Variants in GRID1 observed in about 807,000 individuals in gnomAD.
GRID1 encodes glutamate ionotropic receptor delta type subunit 1.
Under a neutral mutation model 98.0 loss-of-function variants are expected in GRID1, and 28 were observed. That is an observed-to-expected ratio of 0.29 (90% CI 0.21 to 0.39). The LOEUF is 0.39. Ranked by LOEUF, GRID1 falls within the 10% of genes least tolerant of loss-of-function variation. The pLI, the probability that GRID1 is intolerant of heterozygous loss-of-function variation, is 1.00. For synonymous variants in GRID1, 553 were observed against 538.5 expected, an observed-to-expected ratio of 1.03 and a Z score of -0.37; for missense variants, 1,111 against 1,340.5, an observed-to-expected ratio of 0.83 and a Z score of 2.67.
intron 4 of GRID1, among the ~76,000 whole-genome samples, chr10:86,085,043 C>T (rs1412698106): frequency 6.6e-6 from 1 of 152,172 alleles, no homozygotes; most frequent in Non-Finnish European, 1.5e-5. Context: ...TACCAATACG[C>T]ATGCAATGTA....
intron 5 of GRID1, among the ~76,000 whole-genome samples, chr10:85,878,267 G>C (rs1186517274): frequency 1.3e-5 from 2 of 151,894 alleles, no homozygotes; most frequent in Non-Finnish European, 1.5e-5. Context: ...GAAATACAGA[G>C]AACGCCACAA....
At chr10:85,677,358 C>A (rs1841156213) in intron 12 of GRID1, among the ~76,000 whole-genome samples, 1 of 152,180 alleles carries the variant, frequency 6.6e-6, no homozygotes. Flanking sequence ...AGGCATGAGG[C>A]ATCCTTGTGA....
chr10:85,724,569 C>T lies in GRID1; in HGVS notation c.1641G>A (p.Lys547=), dbSNP rs1048871352. The change falls in exon 11 of 16, where the codon AAG becomes AAA. Residue 547 remains lysine (K), a synonymous_variant. Coordinates refer to ENST00000327946, the MANE Select transcript of GRID1 (RefSeq NM_017551.3). Reference sequence around the variant, plus strand: ...AGAAGATGCTGATTTTCTCCTCGGGCTTCTTAATTAGAATCCCCACTGAAT... The same window carrying T: ...AGAAGATGCTGATTTTCTCCTCGGGTTTCTTAATTAGAATCCCCACTGAAT... ...MDYSVGILIK[K]PEEKISIFSL... 1.2e-6 allele frequency: 2 copies of T among 1,613,408 alleles called. No homozygotes were observed. The highest frequency in any genetic ancestry group is 1.7e-6 in the Non-Finnish European group (2 of 1,179,904).
chr10:86,131,322 A>T (rs1844833491), intron 4 of GRID1, among the ~76,000 whole-genome samples: 1 of 152,126 alleles, frequency 6.6e-6, no homozygotes, highest in South Asian at 2.1e-4. Flanking sequence ...GGGAGCAGAA[A>T]GGGTAATTGA....
chr10:86,322,819 C>T (rs143101553), intron 2 of GRID1, among the ~76,000 whole-genome samples: 122 of 150,754 alleles, frequency 8.1e-4, no homozygotes, highest in Admixed American at 5.9e-3. Flanking sequence ...CAGCCAGGCA[C>T]GGTGGCTCAT....
chr10:85,675,552 A>G (rs545134199), intron 12 of GRID1, among the ~76,000 whole-genome samples: 8 of 152,340 alleles, frequency 5.3e-5, no homozygotes, highest in Non-Finnish European at 8.8e-5. Flanking sequence ...TAAGGGAGGT[A>G]TCTGAGAAAA....
intron 5 of GRID1, among the ~76,000 whole-genome samples, chr10:85,915,516 CAG>C (rs1269846617): frequency 6.6e-6 from 1 of 150,942 alleles, no homozygotes; most frequent in Non-Finnish European, 1.5e-5. Flanking sequence ...CACACACACA[CAG>C]ACACACATAT....
Position 85,859,907 on chromosome 10 carries a change from T to C in GRID1, c.952-3717A>G, listed in dbSNP as rs555282032. On this transcript the variant is annotated intron_variant, in intron 6 of 15. Coordinates refer to ENST00000327946, the MANE Select transcript of GRID1 (RefSeq NM_017551.3). Reference sequence around the variant, plus strand: ...TTGGATGAAAAAAATCACAAGTAGATGGTAGAAAGGCAGTTTATGCTTGGG... The same window carrying C: ...TTGGATGAAAAAAATCACAAGTAGACGGTAGAAAGGCAGTTTATGCTTGGG... 3.9e-5 allele frequency among the ~76,000 whole-genome samples: 6 copies of C among 152,262 alleles called. No individual in the cohort carries two copies. In the East Asian group the frequency reaches 1.2e-3, roughly 29 times the overall value.
intron 2 of GRID1, among the ~76,000 whole-genome samples, chr10:86,252,692 G>A (rs1033640389): frequency 1.3e-5 from 2 of 152,194 alleles, no homozygotes; most frequent in African/African-American, 4.8e-5. Context: ...ACCATCTGAT[G>A]CCTACTGTGG....
chr10:85,837,927 G>A (rs1842924770), intron 8 of GRID1, among the ~76,000 whole-genome samples: 1 of 152,164 alleles, frequency 6.6e-6, no homozygotes, highest in Non-Finnish European at 1.5e-5. Flanking sequence ...ATAATATATT[G>A]CAGGAACTGA....
chr10:86,257,127 G>T (rs540763758), intron 2 of GRID1, among the ~76,000 whole-genome samples: 1 of 152,202 alleles, frequency 6.6e-6, no homozygotes, highest in Admixed American at 6.5e-5. Flanking sequence ...ACTGACTAAA[G>T]CACCTCAAGA....
chr10:85,881,875 T>C (rs1422024525), intron 5 of GRID1, among the ~76,000 whole-genome samples: 2 of 152,068 alleles, frequency 1.3e-5, no homozygotes, highest in East Asian at 1.9e-4. Context: ...AATCTACTCA[T>C]CTGACAAAGG....
chr10:85,760,105 G>C (rs1392325963), intron 8 of GRID1, among the ~76,000 whole-genome samples: 1 of 152,110 alleles, frequency 6.6e-6, no homozygotes, highest in Non-Finnish European at 1.5e-5. Context: ...ATCCATTTTT[G>C]TTAGTAGCAC....
intron 2 of GRID1, among the ~76,000 whole-genome samples, chr10:86,228,226 T>C (rs66751727): frequency 0.29 from 40,919 of 138,794 alleles, 6,639 homozygotes; most frequent in Non-Finnish European, 0.38. Flanking sequence ...GGTGGCCGGA[T>C]GGATGTGTAC....
chr10:86,295,632 G>A (rs943880890), intron 2 of GRID1, among the ~76,000 whole-genome samples: 9 of 152,176 alleles, frequency 5.9e-5, no homozygotes, highest in Non-Finnish European at 1.0e-4. Flanking sequence ...CCGGAGAAAC[G>A]CGATATGACG....
chr10:86,352,876 C>G (rs2132117904), intron 2 of GRID1, among the ~76,000 whole-genome samples: 1 of 152,248 alleles, frequency 6.6e-6, no homozygotes, highest in Middle Eastern at 3.4e-3. Context: ...CCTCTCATCC[C>G]ACTAGCATGA....
intron 4 of GRID1, among the ~76,000 whole-genome samples, chr10:86,007,750 T>C (rs903368620): frequency 3.9e-5 from 6 of 152,196 alleles, no homozygotes; most frequent in Admixed American, 2.0e-4. Context: ...AAAGGTTATA[T>C]GCATGATTAT....
intron 8 of GRID1, among the ~76,000 whole-genome samples, chr10:85,789,126 T>G (rs1290184211): frequency 6.6e-6 from 1 of 152,136 alleles, no homozygotes; most frequent in Admixed American, 6.5e-5. Flanking sequence ...TATAAATAAA[T>G]AAATGAGCTT....
At chr10:86,074,116 C>T (rs765556873) in intron 4 of GRID1, among the ~76,000 whole-genome samples, 2 of 145,198 alleles carry the variant, frequency 1.4e-5, no homozygotes, top group Middle Eastern at 3.6e-3. Flanking sequence ...TATTTTCTTA[C>T]GTGCGCAAAT....
Sources: gnomAD v4.1 joint callset for allele counts (sites outside exome capture counted in the v4.1 genomes callset) on GRCh38, gnomAD v4.1.1 for gene constraint, MANE v1.5 for transcripts, NCBI Gene and HGNC (gene_info 2026-07-23, HGNC 2026-07-21) for gene names.